Variants in KCNH8 observed in about 807,000 individuals in gnomAD.
The protein encoded by KCNH8 is potassium voltage-gated channel subfamily H member 8.
KCNH8 carries 70 observed loss-of-function variants against 103.6 expected under a neutral mutation model. The observed-to-expected ratio is 0.68, with a 90% CI of 0.56 to 0.82. The LOEUF is 0.82. KCNH8 is among the 40% of genes least tolerant of loss of function. The probability of loss-of-function intolerance (pLI) is 0.00; values close to 1 mark genes in which losing one functional copy is unlikely to be tolerated. For synonymous variants in KCNH8, 498 were observed against 489.4 expected (o/e 1.02, Z -0.23); for missense variants, 1,217 against 1,329.9 (o/e 0.92, Z 1.32).
intron 11 of KCNH8, among the ~76,000 whole-genome samples, chr3:19,479,177 C>T (rs78814822): frequency 8.5e-5 from 13 of 152,088 alleles, no homozygotes; most frequent in South Asian, 2.1e-4. Context: ...GGAGAGTTTG[C>T]GGGGTGCCTC....
chr3:19,351,049 T>C (rs1488745469), intron 5 of KCNH8, among the ~76,000 whole-genome samples: 1 of 152,082 alleles, frequency 6.6e-6, no homozygotes, highest in African/African-American at 2.4e-5. Context: ...AATGACCTGA[T>C]GGAGCTGAAA....
At chr3:19,432,304 C>A (rs1024035030) in intron 7 of KCNH8, among the ~76,000 whole-genome samples, 2 of 152,086 alleles carry the variant, frequency 1.3e-5, no homozygotes, top group Non-Finnish European at 2.9e-5. Context: ...ACACCCTATC[C>A]TTTTAAGTTA....
chr3:19,472,505 G>A (rs2067884125), intron 11 of KCNH8, among the ~76,000 whole-genome samples: 1 of 152,086 alleles, frequency 6.6e-6, no homozygotes, highest in South Asian at 2.1e-4. Context: ...TCCTGCACAA[G>A]CTCTTTTTAC....
rs185793641 is a variant in KCNH8, at chr3:19,328,134, T to C, written c.443-14453T>C. On this transcript the variant is annotated intron_variant, in intron 3 of 15. Transcript: ENST00000328405. ...ATATTTGTCGTAAACTTACTGATAA[T>C]GTTCAAAAAATGCTTCAAGATGTAT... 3.4e-3 allele frequency among the ~76,000 whole-genome samples: 512 copies of C among 152,276 alleles called. 5 individuals carry two copies. The highest frequency in any genetic ancestry group is 0.012 in the African/African-American group (486 of 41,566).
chr3:19,456,293 A>G (rs1575086507), intron 10 of KCNH8, among the ~76,000 whole-genome samples: 2 of 152,036 alleles, frequency 1.3e-5, no homozygotes, highest in Non-Finnish European at 2.9e-5. Flanking sequence ...TTCATAGTCA[A>G]TTTGACATGT....
At chr3:19,174,105 T>C (rs2063375091) in intron 1 of KCNH8, among the ~76,000 whole-genome samples, 1 of 151,876 alleles carries the variant, frequency 6.6e-6, no homozygotes, top group Non-Finnish European at 1.5e-5. Context: ...CCTGTACTGA[T>C]AAAAAGAAGT....
intron 11 of KCNH8, among the ~76,000 whole-genome samples, chr3:19,504,176 T>C (rs2068647773): frequency 6.6e-6 from 1 of 152,056 alleles, no homozygotes; most frequent in African/African-American, 2.4e-5. Context: ...TCTTTCACCA[T>C]ATATAAAAGT....
At chr3:19,511,885 G>A (rs1459004989) in intron 12 of KCNH8, among the ~76,000 whole-genome samples, 1 of 151,962 alleles carries the variant, frequency 6.6e-6, no homozygotes, top group Middle Eastern at 3.2e-3. Flanking sequence ...TGTTAGATCT[G>A]TTATTATACC....
At chr3:19,413,722 T>C (rs1296062955) in intron 7 of KCNH8, among the ~76,000 whole-genome samples, 1 of 152,028 alleles carries the variant, frequency 6.6e-6, no homozygotes, top group Non-Finnish European at 1.5e-5. Flanking sequence ...GGGGAAATAA[T>C]TTGTTTTTTG....
chr3:19,247,085 A>G (rs1234631856), intron 1 of KCNH8, among the ~76,000 whole-genome samples: 5 of 152,224 alleles, frequency 3.3e-5, no homozygotes, highest in Non-Finnish European at 5.9e-5. Flanking sequence ...GTATTTAAAA[A>G]ATCAAACCAT....
chr3:19,405,675 G>C (rs1355665872), intron 7 of KCNH8, among the ~76,000 whole-genome samples: 1 of 151,830 alleles, frequency 6.6e-6, no homozygotes, highest in Non-Finnish European at 1.5e-5. Flanking sequence ...TTTCATAAAA[G>C]AACATGACAT....
intron 10 of KCNH8, among the ~76,000 whole-genome samples, chr3:19,453,730 A>G (rs2067485585): frequency 6.6e-6 from 1 of 152,188 alleles, no homozygotes; most frequent in Non-Finnish European, 1.5e-5. Context: ...GTGCGGACAC[A>G]ACGGAAAGGT....
chr3:19,206,567 G>C (rs1480507869), intron 1 of KCNH8, among the ~76,000 whole-genome samples: 1 of 151,918 alleles, frequency 6.6e-6, no homozygotes, highest in Non-Finnish European at 1.5e-5. Context: ...TTCAACCTTA[G>C]CACTATTAAC....
At chr3:19,452,550 T>A (rs17005980) in intron 10 of KCNH8, among the ~76,000 whole-genome samples, 6,630 of 152,178 alleles carry the variant, frequency 0.044, 354 homozygotes, top group East Asian at 0.26. Context: ...TATAATGGGG[T>A]CTGAGACCAG....
At position 19,347,318 on chromosome 3, in the gene KCNH8, T is replaced by G. The variant is rs1271737938; in HGVS notation, c.571-407T>G. On this transcript the variant is annotated intron_variant, in intron 4 of 15. Coordinates refer to ENST00000328405, the MANE Select transcript of KCNH8 (RefSeq NM_144633.3). Reference sequence around the variant, plus strand: ...TAAAATATCAGGTCAAATATAGTCTTTAGATAATGACTGTCATCAGAAATC... The same window carrying G: ...TAAAATATCAGGTCAAATATAGTCTGTAGATAATGACTGTCATCAGAAATC... 2.0e-5 allele frequency among the ~76,000 whole-genome samples: 3 copies of G among 152,210 alleles called. No individual in the cohort carries two copies. The East Asian group carries it at 5.8e-4, about 29-fold the overall frequency.
chr3:19,276,449 A>G (rs2064673517), intron 2 of KCNH8, among the ~76,000 whole-genome samples: 1 of 152,130 alleles, frequency 6.6e-6, no homozygotes, highest in South Asian at 2.1e-4. Flanking sequence ...TTATCATTAA[A>G]AATTTATTCA....
chr3:19,408,268 A>G (rs2066724734), intron 7 of KCNH8, among the ~76,000 whole-genome samples: 2 of 152,258 alleles, frequency 1.3e-5, no homozygotes, highest in South Asian at 2.1e-4. Context: ...CCTCCTCATC[A>G]TTCTCTATAG....
At position 19,254,371 on chromosome 3, in the gene KCNH8, G is replaced by T. The variant is rs574739414; in HGVS notation, c.310+484G>T. 1.2e-4 allele frequency among the ~76,000 whole-genome samples: 18 copies of T among 151,942 alleles called. No homozygotes were observed. In the South Asian group the frequency reaches 3.7e-3, roughly 32 times the overall value. ...ATTGGCATATGCATTTTCTTTTCCG[G>T]TTACCTAGCCACAGAGCCTTTCTCA... is the stretch of plus-strand genomic sequence containing the variant. On this transcript the variant is annotated intron_variant, in intron 2 of 15. Coordinates refer to ENST00000328405, the MANE Select transcript of KCNH8 (RefSeq NM_144633.3).
chr3:19,198,425 G>A (rs1159429175), intron 1 of KCNH8, among the ~76,000 whole-genome samples: 1 of 152,070 alleles, frequency 6.6e-6, no homozygotes, highest in Non-Finnish European at 1.5e-5. Flanking sequence ...AGTGGGTTCA[G>A]GTTTGGCTGT....
Sources: allele counts gnomAD v4.1 joint callset (sites outside exome capture counted in the v4.1 genomes callset), GRCh38; gene constraint gnomAD v4.1.1; transcripts MANE v1.5; gene names NCBI Gene and HGNC (gene_info 2026-07-23, HGNC 2026-07-21).